The following SYBU variants were observed in gnomAD, a reference collection of about 807,000 sequenced individuals.
SYBU encodes the protein syntabulin.
Under a neutral mutation model 35.9 loss-of-function variants are expected in SYBU, and 21 were observed. The ratio of observed to expected loss-of-function variants is 0.58; its 90% CI spans 0.41 to 0.84. The LOEUF (loss-of-function observed/expected upper bound fraction) is 0.84. Among genes scored for constraint, SYBU ranks in the 40% least tolerant of loss-of-function variants. The pLI, the probability that SYBU is intolerant of heterozygous loss-of-function variation, is 0.00. For synonymous variants in SYBU, 319 were observed against 324.3 expected, an observed-to-expected ratio of 0.98 and a Z score of 0.18; for missense variants, 768 against 848.2, an observed-to-expected ratio of 0.91 and a Z score of 1.17.
At chr8:109,623,206 T>C (rs1414471331) in intron 2 of SYBU, among the ~76,000 whole-genome samples, 4 of 152,236 alleles carry the variant, frequency 2.6e-5, no homozygotes. Context: ...GGGGCTGCTA[T>C]TTTAAATCCT....
chr8:109,665,965 C>T (rs781661103), intron 1 of SYBU, among the ~76,000 whole-genome samples: 1 of 152,170 alleles, frequency 6.6e-6, no homozygotes, highest in African/African-American at 2.4e-5. Context: ...AACTAGATGC[C>T]TGCTGTTCAG....
chr8:109,634,456 A>G (rs1326652654), intron 2 of SYBU, among the ~76,000 whole-genome samples: 3 of 152,196 alleles, frequency 2.0e-5, no homozygotes, highest in Non-Finnish European at 4.4e-5. Flanking sequence ...TATTTCCCCA[A>G]CTACTAAGAT....
At position 109,607,843 on chromosome 8, in the gene SYBU, C is replaced by T. The variant is rs191006046; in HGVS notation, c.427+10999G>A. 2.2e-3 allele frequency: 1,874 copies of T among 871,194 alleles called. 18 individuals are homozygous for T. In the African/African-American group the frequency reaches 0.028, roughly 13 times the overall value. 54.0% of individuals were successfully genotyped at this position (871,194 alleles called of 1,614,324 possible). On this transcript the variant is annotated intron_variant, in intron 3 of 6. Coordinates refer to ENST00000276646, the MANE Select transcript of SYBU (RefSeq NM_001099754.2). ...ACACACACACACACACACACACACA[C>T]ACACACACACAGTCTAGCCTCTGTG...
intron 3 of SYBU, among the ~76,000 whole-genome samples, chr8:109,609,165 C>T (rs1356824027): frequency 6.6e-6 from 1 of 152,176 alleles, no homozygotes; most frequent in African/African-American, 2.4e-5. Context: ...AAGAAGAAAT[C>T]CCCTTACATT....
intron 1 of SYBU, among the ~76,000 whole-genome samples, chr8:109,654,849 T>C (rs10505131): frequency 0.22 from 34,120 of 152,152 alleles, 4,004 homozygotes; most frequent in East Asian, 0.43. Context: ...TTACAACTAA[T>C]TGGAACCTAA....
chr8:109,590,285 C>T (rs1824068887), intron 3 of SYBU, among the ~76,000 whole-genome samples: 1 of 152,160 alleles, frequency 6.6e-6, no homozygotes. Context: ...AAACGCTTCA[C>T]AGCCTAAAAA....
intron 2 of SYBU, among the ~76,000 whole-genome samples, chr8:109,639,675 A>G (rs1020813258): frequency 6.6e-6 from 1 of 152,200 alleles, no homozygotes; most frequent in Non-Finnish European, 1.5e-5. Context: ...GTATTTTTTA[A>G]TATTTGTATG....
chr8:109,601,335 C>G (rs1825492142), intron 3 of SYBU, among the ~76,000 whole-genome samples: 1 of 152,152 alleles, frequency 6.6e-6, no homozygotes, highest in Non-Finnish European at 1.5e-5. Flanking sequence ...TCCTTGTGAT[C>G]AGAATTCACA....
At chr8:109,579,211 G>A (rs1263033407) in intron 5 of SYBU, among the ~76,000 whole-genome samples, 3 of 152,128 alleles carry the variant, frequency 2.0e-5, no homozygotes, top group African/African-American at 7.2e-5. Context: ...CAGTCCTCCT[G>A]TCGTGGCCTC....
intron 1 of SYBU, among the ~76,000 whole-genome samples, chr8:109,657,457 A>T (rs550284026): frequency 1.3e-5 from 2 of 152,352 alleles, no homozygotes; most frequent in African/African-American, 4.8e-5. Flanking sequence ...GCTTTAATTT[A>T]AAAAGGCTGA....
chr8:109,579,765 A>ACTAAGATGCATGAATTAGGTGAG (rs1450881657), intron 5 of SYBU, 34 bp downstream of exon 5: 1 of 1,587,580 alleles, frequency 6.3e-7, no homozygotes, highest in South Asian at 1.1e-5. Flanking sequence ...AGTAGGACAA[A>ACTAAGATGCATGAATTAGGTGAG]CTAAGATGCA....
In SYBU at chr8:109,602,756, G is replaced by A. The variant is rs114119271; in HGVS notation, c.427+16086C>T. ...GTAAATTTCGTTTGCAAGCACAAACGTCAATACAATAAAACAAATAAGCTG... is the reference window on the plus strand; with the variant it reads ...GTAAATTTCGTTTGCAAGCACAAACATCAATACAATAAAACAAATAAGCTG... On this transcript the variant is annotated intron_variant, in intron 3 of 6. Coordinates refer to ENST00000276646, the MANE Select transcript of SYBU (RefSeq NM_001099754.2). Among the ~76,000 whole-genome samples, 296 of 152,174 alleles carry A rather than the reference G, an allele frequency of 1.9e-3. 1 individual carries two copies. Among genetic ancestry groups the A allele is most frequent in the African/African-American group, 6.6e-3 (273 of 41,508 alleles).
chr8:109,629,878 C>T (rs1813406206), intron 2 of SYBU, among the ~76,000 whole-genome samples: 1 of 152,140 alleles, frequency 6.6e-6, no homozygotes, highest in Non-Finnish European at 1.5e-5. Flanking sequence ...TTTTGATTTG[C>T]ATTTCTCTGA....
intron 3 of SYBU, among the ~76,000 whole-genome samples, chr8:109,598,108 T>C (rs1454809412): frequency 1.3e-5 from 2 of 152,196 alleles, no homozygotes; most frequent in Non-Finnish European, 2.9e-5. Flanking sequence ...TCCAGGAATA[T>C]AGATGCTAAA....
At chr8:109,624,964 C>A (rs114174173) in intron 2 of SYBU, among the ~76,000 whole-genome samples, 1 of 152,028 alleles carries the variant, frequency 6.6e-6, no homozygotes, top group African/African-American at 2.4e-5. Flanking sequence ...TGCTATCTGG[C>A]GCTTTATAGA....
intron 4 of SYBU, among the ~76,000 whole-genome samples, chr8:109,583,897 C>T (rs1332721070): frequency 6.6e-6 from 1 of 152,258 alleles, no homozygotes; most frequent in African/African-American, 2.4e-5. Context: ...CAACCTCCGC[C>T]TCTCAGGTTC....
chr8:109,588,097 A>T (rs2129750947), intron 3 of SYBU, among the ~76,000 whole-genome samples: 1 of 152,332 alleles, frequency 6.6e-6, no homozygotes, highest in African/African-American at 2.4e-5. Context: ...GGTGATTTTC[A>T]AAAATAGATC....
chr8:109,580,079 C>T, intron 4 of SYBU, 77 bp from the exon 5 acceptor site: 2 of 1,323,770 alleles, frequency 1.5e-6, no homozygotes, highest in Non-Finnish European at 2.2e-6. Flanking sequence ...CTCCTTAAAT[C>T]TAAGGAAATC....
intron 3 of SYBU, among the ~76,000 whole-genome samples, chr8:109,606,863 T>G (rs949061873): frequency 2.0e-5 from 3 of 151,562 alleles, no homozygotes; most frequent in African/African-American, 7.2e-5. Flanking sequence ...TAAGTAGTCA[T>G]GAGCATAAAA....
Sources: allele counts gnomAD v4.1 joint callset (sites outside exome capture counted in the v4.1 genomes callset), GRCh38; gene constraint gnomAD v4.1.1; transcripts MANE v1.5; gene names NCBI Gene and HGNC (gene_info 2026-07-23, HGNC 2026-07-21).